Variants in SNX29 observed in about 807,000 individuals in gnomAD.
The protein encoded by SNX29 is sorting nexin-29.
Under a neutral mutation model 102.1 loss-of-function variants are expected in SNX29, and 78 were observed. That is an observed-to-expected ratio of 0.76 (90% CI 0.64 to 0.92). The LOEUF is 0.92. Ranked by LOEUF, SNX29 falls within the 40% of genes least tolerant of loss-of-function variation. SNX29 has a pLI of 0.00. For missense variants in SNX29, 1,280 were observed against 1,061.7 expected (o/e 1.21, Z -2.86); for synonymous variants, 580 against 414.5 (o/e 1.40, Z -4.85).
rs116991679 is a variant in SNX29, at chr16:12,567,616, C to T, written c.2319-890C>T. Among the ~76,000 whole-genome samples the T allele has an allele frequency of 1.4e-4, 22 of 152,164 alleles. No homozygotes were observed. In the East Asian group the frequency reaches 3.7e-3, roughly 25 times the overall value. On this transcript the variant is annotated intron_variant, in intron 20 of 20. Coordinates refer to ENST00000566228, the MANE Select transcript of SNX29 (RefSeq NM_032167.5). ...GACCCCATCTCTACAAAAAATTACACTCAGGTATGGTGGCTAGTACCTATA... is the reference window on the plus strand; with the variant it reads ...GACCCCATCTCTACAAAAAATTACATTCAGGTATGGTGGCTAGTACCTATA...
At chr16:12,046,244 G>C in intron 5 of SNX29, 140 bp from the exon 6 acceptor site, 1 of 778,428 alleles carries the variant, frequency 1.3e-6, no homozygotes, top group South Asian at 1.6e-5. Context: ...CTGTAAACCA[G>C]CAGAGACCTC....
intron 14 of SNX29, among the ~76,000 whole-genome samples, chr16:12,276,640 C>A (rs971247119): frequency 2.0e-5 from 3 of 152,184 alleles, no homozygotes; most frequent in African/African-American, 4.8e-5. Context: ...ATCATTGATG[C>A]TTGTTTTGAG....
intron 13 of SNX29, among the ~76,000 whole-genome samples, chr16:12,170,692 T>C (rs1366699974): frequency 1.3e-5 from 2 of 151,546 alleles, no homozygotes; most frequent in Non-Finnish European, 2.9e-5. Flanking sequence ...GAGTGGGTGG[T>C]AGACACGGTC....
At chr16:12,542,004 C>G (rs755991187) in intron 20 of SNX29, among the ~76,000 whole-genome samples, 3 of 152,164 alleles carry the variant, frequency 2.0e-5, no homozygotes, top group East Asian at 1.9e-4. Flanking sequence ...GAAGGGCTCA[C>G]GTTTGCAGCA....
chr16:12,277,064 G>A (rs2079274249), intron 14 of SNX29, among the ~76,000 whole-genome samples: 1 of 152,060 alleles, frequency 6.6e-6, no homozygotes, highest in African/African-American at 2.4e-5. Context: ...TCACTTTTTT[G>A]TTGTAGAAAA....
chr16:12,289,282 T>G (rs1434751247), intron 15 of SNX29, among the ~76,000 whole-genome samples: 2 of 152,236 alleles, frequency 1.3e-5, no homozygotes, highest in East Asian at 3.9e-4. Flanking sequence ...CTACTGGCAC[T>G]GTCTTCTTCT....
At chr16:12,235,805 G>GTGTGTGTGTA (rs1555494563) in intron 14 of SNX29, among the ~76,000 whole-genome samples, 1 of 151,910 alleles carries the variant, frequency 6.6e-6, no homozygotes, top group African/African-American at 2.4e-5. Context: ...GTGTGTGTGT[G>GTGTGTGTGTA]TGTGTATGTG....
chr16:12,086,910 T>A (rs1304447846), intron 11 of SNX29: 1 of 151,788 alleles, frequency 6.6e-6, no homozygotes. Context: ...TGAACCAGAG[T>A]AATGGAGGCT....
At position 12,006,253 on chromosome 16, in the gene SNX29, C is replaced by T. The variant is rs753043533; in HGVS notation, c.122+3210C>T. ...AATAATAGCCAGGCATGGTGGCTCA[C>T]GCCTGTAATCCCAGCACTTTGGGAG... On this transcript the variant is annotated intron_variant, in intron 3 of 20. Transcript: ENST00000566228. Among the ~76,000 whole-genome samples the T allele has an allele frequency of 1.1e-4, 16 of 150,534 alleles. No homozygotes were observed. The East Asian group carries it at 2.1e-3, about 20-fold the overall frequency.
intron 14 of SNX29, among the ~76,000 whole-genome samples, chr16:12,230,585 C>A (rs1398454850): frequency 6.6e-6 from 1 of 152,154 alleles, no homozygotes; most frequent in East Asian, 1.9e-4. Flanking sequence ...TGAGACAGAT[C>A]AAACAAAGCT....
chr16:12,538,679 C>T (rs985090821), intron 20 of SNX29, among the ~76,000 whole-genome samples: 45 of 152,130 alleles, frequency 3.0e-4, no homozygotes, highest in Admixed American at 2.6e-3. Context: ...CTTTCATCCT[C>T]CTCCCAGGAC....
chr16:12,285,456 G>A (rs1451216850), intron 15 of SNX29, among the ~76,000 whole-genome samples: 1 of 152,150 alleles, frequency 6.6e-6, no homozygotes, highest in East Asian at 1.9e-4. Flanking sequence ...TTTCTTGTGG[G>A]TAAAATAAAT....
At chr16:12,560,016 G>A (rs987241453) in intron 20 of SNX29, among the ~76,000 whole-genome samples, 2 of 152,112 alleles carry the variant, frequency 1.3e-5, no homozygotes, top group Non-Finnish European at 1.5e-5. Flanking sequence ...CTTACATTTT[G>A]GAAGACTTAG....
At chr16:12,502,217 A>T (rs374960846) in intron 19 of SNX29, among the ~76,000 whole-genome samples, 6 of 152,272 alleles carry the variant, frequency 3.9e-5, no homozygotes, top group Admixed American at 3.9e-4. Context: ...GGACAGTGGC[A>T]GTGAGGGGCG....
intron 18 of SNX29, among the ~76,000 whole-genome samples, chr16:12,438,647 T>C (rs74610650): frequency 0.025 from 3,833 of 152,330 alleles, 162 homozygotes; most frequent in African/African-American, 0.087. Context: ...TCACAGACTT[T>C]CAGAACTTCA....
chr16:12,449,531 C>T (rs2086211156), intron 18 of SNX29, among the ~76,000 whole-genome samples: 1 of 152,158 alleles, frequency 6.6e-6, no homozygotes, highest in African/African-American at 2.4e-5. Context: ...GAATTTGTTA[C>T]TCTCTGTAAG....
At chr16:12,439,441 A>G (rs1177666864) in intron 18 of SNX29, among the ~76,000 whole-genome samples, 1 of 152,096 alleles carries the variant, frequency 6.6e-6, no homozygotes, top group East Asian at 1.9e-4. Context: ...AATTTACAAA[A>G]GAGGTTGAAT....
chr16:12,163,319 T>G (rs1219462579), intron 13 of SNX29, among the ~76,000 whole-genome samples: 3 of 151,616 alleles, frequency 2.0e-5, no homozygotes, highest in African/African-American at 7.3e-5. Flanking sequence ...TGATTAGGGG[T>G]TTGGCAGGTG....
intron 11 of SNX29, among the ~76,000 whole-genome samples, chr16:12,091,362 G>A (rs564934137): frequency 3.0e-4 from 45 of 152,272 alleles, no homozygotes; most frequent in African/African-American, 9.1e-4. Flanking sequence ...TAGACTGAAT[G>A]TTTGTGTGCC....
Sources: gnomAD v4.1 joint callset for allele counts (sites outside exome capture counted in the v4.1 genomes callset) on GRCh38, gnomAD v4.1.1 for gene constraint, MANE v1.5 for transcripts, NCBI Gene and HGNC (gene_info 2026-07-23, HGNC 2026-07-21) for gene names.